The following CTNNA3 variants were observed in gnomAD, a reference collection of about 807,000 sequenced individuals.
The protein encoded by CTNNA3 is catenin alpha-3.
A neutral mutation model predicts 95.7 loss-of-function variants in CTNNA3; 76 were observed. That is an observed-to-expected ratio of 0.79 (90% CI 0.66 to 0.96). CTNNA3 has a LOEUF of 0.96. CTNNA3 is among the 40% of genes least tolerant of loss of function. The probability of loss-of-function intolerance (pLI) is 0.00; values close to 1 mark genes in which losing one functional copy is unlikely to be tolerated. For missense variants in CTNNA3, 1,191 were observed against 1,089.8 expected (o/e 1.09, Z -1.31); for synonymous variants, 431 against 374.4 (o/e 1.15, Z -1.74).
chr10:66,106,324 T>C (rs1322317697), intron 13 of CTNNA3, among the ~76,000 whole-genome samples: 1 of 130,954 alleles, frequency 7.6e-6, no homozygotes, highest in Non-Finnish European at 1.6e-5. Flanking sequence ...GGAAGTTTTG[T>C]GTGTGTGTGT....
intron 7 of CTNNA3, chr10:67,097,675 A>G (rs533757660): frequency 4.3e-6 from 7 of 1,612,780 alleles, no homozygotes; most frequent in African/African-American, 2.7e-5. Flanking sequence ...CTTCTCTCCC[A>G]TAAGTCCTTT....
Position 67,454,487 on chromosome 10 carries a change from G to A in CTNNA3, c.579+67355C>T, listed in dbSNP as rs186696466. Among the ~76,000 whole-genome samples the A allele has an allele frequency of 1.3e-3, 200 of 152,166 alleles. 2 individuals are homozygous for A. The highest frequency in any genetic ancestry group is 3.4e-3 in the Middle Eastern group (1 of 294). On this transcript the variant is annotated intron_variant, in intron 5 of 17. Coordinates refer to ENST00000433211, the MANE Select transcript of CTNNA3 (RefSeq NM_013266.4). Reference sequence around the variant, plus strand: ...TTTCCCATATGCAAACGTCTATTTCGAAACATAGGATGCTGATTTACAGTG... The same window carrying A: ...TTTCCCATATGCAAACGTCTATTTCAAAACATAGGATGCTGATTTACAGTG...
chr10:66,185,860 T>G (rs1486052278), intron 13 of CTNNA3, among the ~76,000 whole-genome samples: 2 of 151,960 alleles, frequency 1.3e-5, no homozygotes, highest in Non-Finnish European at 2.9e-5. Flanking sequence ...CCAAATAAAG[T>G]ATATTGTCAA....
rs1405502139 is a variant in CTNNA3, at chr10:65,913,028, AAACTT to A, written c.*7297_*7301del. The stretch of plus-strand genomic sequence containing the variant: ...AGTCAGAAACACCTCAAACGCCACT[AAACTT>A]AAGTTCCCAAGATATTGCTGCAATA... On this transcript the variant is annotated 3_prime_UTR_variant, in exon 18 of 18. Transcript: ENST00000433211. The A allele has an allele frequency of 1.3e-5, 2 of 152,160 alleles. No homozygotes were observed. Among genetic ancestry groups the A allele is most frequent in the Non-Finnish European group, 2.9e-5 (2 of 68,008 alleles). 9.4% of individuals were successfully genotyped at this position (152,160 alleles called of 1,614,324 possible). A position where few individuals can be genotyped will look rare whatever the true frequency, so the allele number is the denominator to read the frequency against.
Position 67,604,794 on chromosome 10 carries a change from G to A in CTNNA3, c.292+2063C>T, listed in dbSNP as rs1357993589. 2.6e-5 allele frequency among the ~76,000 whole-genome samples: 4 copies of A among 152,188 alleles called. No homozygotes were observed. The East Asian group carries it at 7.7e-4, about 29-fold the overall frequency. ...GAGTCTAAACTGGCTTGGTGACTAAGATGATGATCAAGAACAAGGACAAAG... is the reference window on the plus strand; with the variant it reads ...GAGTCTAAACTGGCTTGGTGACTAAAATGATGATCAAGAACAAGGACAAAG... On this transcript the variant is annotated intron_variant, in intron 3 of 17. Transcript: ENST00000433211.
At chr10:66,617,993 C>T (rs1486034550) in intron 10 of CTNNA3, among the ~76,000 whole-genome samples, 1 of 151,568 alleles carries the variant, frequency 6.6e-6, no homozygotes, top group African/African-American at 2.4e-5. Context: ...AACTAGGAAT[C>T]CAACTTACAA....
intron 15 of CTNNA3, among the ~76,000 whole-genome samples, chr10:66,007,790 C>A (rs2078925576): frequency 7.5e-6 from 1 of 133,162 alleles, no homozygotes; most frequent in Non-Finnish European, 1.6e-5. Context: ...TTCCTCCCTT[C>A]CTCCCTTCCT....
chr10:66,853,557 T>C lies in CTNNA3; in HGVS notation c.1048-78033A>G, dbSNP rs550556382. On this transcript the variant is annotated intron_variant, in intron 7 of 17. Coordinates refer to ENST00000433211, the MANE Select transcript of CTNNA3 (RefSeq NM_013266.4). ...TTTTAACACAAACCAATGAGCAAGA[T>C]ACTACATGCCAGATGTGACCTGAAA... 4.5e-3 allele frequency among the ~76,000 whole-genome samples: 690 copies of C among 152,232 alleles called. 4 individuals carry two copies. The highest frequency in any genetic ancestry group is 0.01 in the Middle Eastern group (3 of 294).
At chr10:65,944,387 A>G (rs2077477965) in intron 17 of CTNNA3, among the ~76,000 whole-genome samples, 1 of 152,282 alleles carries the variant, frequency 6.6e-6, no homozygotes, top group Admixed American at 6.5e-5. Context: ...AAGCAGATGT[A>G]TAATGGGGCT....
chr10:66,875,201 G>C (rs10762116), intron 7 of CTNNA3, among the ~76,000 whole-genome samples: 1 of 151,810 alleles, frequency 6.6e-6, no homozygotes. Flanking sequence ...GAGAAGTTTC[G>C]TGTGGAGAAC....
rs767997377 is a variant in CTNNA3 at position 67,598,763 on chromosome 10, G to T, written c.292+8094C>A. On this transcript the variant is annotated intron_variant, in intron 3 of 17. Transcript: ENST00000433211. ...AGGGCAGTTAGAACTCAAGTAGAAA[G>T]CTACCATCTTACTGATTTAAGATGT... Among the ~76,000 whole-genome samples the T allele has an allele frequency of 5.5e-4, 83 of 152,148 alleles. No homozygotes were observed. The Middle Eastern group carries it at 0.014, about 25-fold the overall frequency.
intron 3 of CTNNA3, among the ~76,000 whole-genome samples, chr10:67,569,437 G>A (rs1040164010): frequency 5.9e-5 from 9 of 152,120 alleles, no homozygotes; most frequent in Non-Finnish European, 1.2e-4. Flanking sequence ...TAATTCAAAG[G>A]TGGGAGCAAA....
chr10:66,178,164 A>G (rs1202883725), intron 13 of CTNNA3, among the ~76,000 whole-genome samples: 1 of 151,460 alleles, frequency 6.6e-6, no homozygotes, highest in Non-Finnish European at 1.5e-5. Flanking sequence ...TTGAAAAACT[A>G]AATATAAATT....
chr10:67,704,306 C>T (rs11818547), intron 1 of CTNNA3, among the ~76,000 whole-genome samples: 3 of 152,036 alleles, frequency 2.0e-5, no homozygotes, highest in Admixed American at 6.5e-5. Context: ...CAAAAAAGAG[C>T]CCGCATCACC....
chr10:66,199,805 A>ATATATATATATTTT (rs1564756586), intron 13 of CTNNA3, among the ~76,000 whole-genome samples: 3 of 14,286 alleles, frequency 2.1e-4, no homozygotes, highest in Non-Finnish European at 3.3e-4. Context: ...ATATATATAT[A>ATATATATATATTTT]TTTTTTTTTT....
chr10:67,535,001 G>A (rs1840446936), intron 4 of CTNNA3, among the ~76,000 whole-genome samples: 1 of 152,090 alleles, frequency 6.6e-6, no homozygotes, highest in Non-Finnish European at 1.5e-5. Flanking sequence ...CAAAGGAGAA[G>A]AAAATAAAAG....
At chr10:65,989,923 T>C (rs1219165608) in intron 15 of CTNNA3, among the ~76,000 whole-genome samples, 1 of 152,164 alleles carries the variant, frequency 6.6e-6, no homozygotes, top group Non-Finnish European at 1.5e-5. Flanking sequence ...TCCACCTCCA[T>C]GAGAGCAAAG....
At chr10:66,338,673 G>T (rs954233410) in intron 12 of CTNNA3, among the ~76,000 whole-genome samples, 6 of 151,820 alleles carry the variant, frequency 4.0e-5, no homozygotes, top group Non-Finnish European at 8.8e-5. Context: ...AGCAAGGAAG[G>T]ATGAGACAAA....
chr10:65,965,846 A>C (rs954122225), intron 17 of CTNNA3, among the ~76,000 whole-genome samples: 1 of 152,162 alleles, frequency 6.6e-6, no homozygotes, highest in African/African-American at 2.4e-5. Flanking sequence ...AATTAAAAAA[A>C]ATTTTCTCAG....
Sources: gnomAD v4.1 joint callset for allele counts (sites outside exome capture counted in the v4.1 genomes callset) on GRCh38, gnomAD v4.1.1 for gene constraint, MANE v1.5 for transcripts, NCBI Gene and HGNC (gene_info 2026-07-23, HGNC 2026-07-21) for gene names.